PELI2: variants seen among roughly 807,000 people sequenced by gnomAD.
PELI2 encodes the protein pellino E3 ubiquitin protein ligase family member 2, also known as E3 ubiquitin-protein ligase pellino homolog 2.
PELI2 carries 23 observed loss-of-function variants against 42.3 expected under a neutral mutation model. That is an observed-to-expected ratio of 0.54 (90% CI 0.39 to 0.77). The LOEUF (loss-of-function observed/expected upper bound fraction) is 0.77. Ranked by LOEUF, PELI2 falls within the 30% of genes least tolerant of loss-of-function variation. The pLI, the probability that PELI2 is intolerant of heterozygous loss-of-function variation, is 0.00. For synonymous variants in PELI2, 245 were observed against 212.2 expected (o/e 1.15, Z -1.34); for missense variants, 463 against 553.2 (o/e 0.84, Z 1.64).
intron 1 of PELI2, among the ~76,000 whole-genome samples, chr14:56,122,445 C>T (rs946174674): frequency 7.2e-5 from 11 of 152,152 alleles, no homozygotes; most frequent in Admixed American, 5.2e-4. Context: ...ATTCCAGCAG[C>T]GCTGTCAGTT....
intron 2 of PELI2, among the ~76,000 whole-genome samples, chr14:56,201,577 A>G (rs748068813): frequency 3.3e-5 from 5 of 152,206 alleles, no homozygotes; most frequent in Non-Finnish European, 4.4e-5. Flanking sequence ...TTTTCCCTAT[A>G]TATTATGGAT....
At chr14:56,218,274 C>G (rs1162399688) in intron 2 of PELI2, among the ~76,000 whole-genome samples, 1 of 152,192 alleles carries the variant, frequency 6.6e-6, no homozygotes, top group Non-Finnish European at 1.5e-5. Context: ...GCTTTTGCAC[C>G]TAGAGAATTT....
chr14:56,224,338 C>T (rs1887263081), intron 2 of PELI2, among the ~76,000 whole-genome samples: 1 of 152,196 alleles, frequency 6.6e-6, no homozygotes, highest in South Asian at 2.1e-4. Flanking sequence ...TGTCTTGAAT[C>T]TCATATCCCA....
chr14:56,270,558 A>G (rs575437453), intron 2 of PELI2, among the ~76,000 whole-genome samples: 1 of 152,330 alleles, frequency 6.6e-6, no homozygotes, highest in South Asian at 2.1e-4. Flanking sequence ...TCATACCAGG[A>G]TTATCTCTAA....
intron 2 of PELI2, among the ~76,000 whole-genome samples, chr14:56,214,269 G>C (rs776983232): frequency 2.0e-5 from 3 of 152,136 alleles, no homozygotes; most frequent in Middle Eastern, 3.2e-3. Flanking sequence ...AAGGTTGATG[G>C]GGGAGGGGAG....
chr14:56,142,249 T>G (rs1393883102), intron 1 of PELI2, among the ~76,000 whole-genome samples: 1 of 152,218 alleles, frequency 6.6e-6, no homozygotes, highest in East Asian at 1.9e-4. Context: ...TGCCACTTCT[T>G]GAATGCTATT....
At chr14:56,161,957 T>A (rs1022975709) in intron 1 of PELI2, among the ~76,000 whole-genome samples, 1 of 152,184 alleles carries the variant, frequency 6.6e-6, no homozygotes, top group African/African-American at 2.4e-5. Context: ...CTTTCCCATA[T>A]GCAACATTTC....
At position 56,180,231 on chromosome 14, in the gene PELI2, T is replaced by A. The variant is rs184371993; in HGVS notation, c.207+1767T>A. Among the ~76,000 whole-genome samples the A allele has an allele frequency of 7.9e-4, 121 of 152,302 alleles. No homozygotes were observed. In the Middle Eastern group the frequency reaches 0.014, roughly 17 times the overall value. On this transcript the variant is annotated intron_variant, in intron 2 of 5. Coordinates refer to ENST00000267460, the MANE Select transcript of PELI2 (RefSeq NM_021255.3). This position sits in a 1 kb window ranked among gnomAD's most constrained non-coding sequence, Gnocchi z 4.4. ...CTGGGAAAAATATATTCTCAGGGCCTCAGTTTACTCATTAGAAACTGAGTA... is the reference window on the plus strand; with the variant it reads ...CTGGGAAAAATATATTCTCAGGGCCACAGTTTACTCATTAGAAACTGAGTA...
intron 5 of PELI2, among the ~76,000 whole-genome samples, chr14:56,293,581 A>G (rs1292312680): frequency 6.6e-6 from 1 of 152,190 alleles, no homozygotes; most frequent in Non-Finnish European, 1.5e-5. Flanking sequence ...GCTGGTTGTT[A>G]TTACTAAGCA....
intron 2 of PELI2, among the ~76,000 whole-genome samples, chr14:56,225,561 G>T (rs1887318085): frequency 6.6e-6 from 1 of 152,218 alleles, no homozygotes; most frequent in Non-Finnish European, 1.5e-5. Flanking sequence ...CTAGCTGTGG[G>T]GGTGGCAGAG....
chr14:56,243,150 C>T (rs561067711), intron 2 of PELI2, among the ~76,000 whole-genome samples: 1 of 152,006 alleles, frequency 6.6e-6, no homozygotes, highest in Non-Finnish European at 1.5e-5. Context: ...CAGAGAACAA[C>T]AACAGAAAAA....
chr14:56,281,139 A>G (rs1889468786), intron 3 of PELI2, among the ~76,000 whole-genome samples: 2 of 152,142 alleles, frequency 1.3e-5, no homozygotes, highest in South Asian at 2.1e-4. Context: ...CGCTCAGACC[A>G]ATTGACCCAG....
chr14:56,239,287 T>A (rs1385146199), intron 2 of PELI2, among the ~76,000 whole-genome samples: 6 of 152,220 alleles, frequency 3.9e-5, no homozygotes, highest in African/African-American at 1.4e-4. Flanking sequence ...ATGTGTTCAT[T>A]CTTTGGAATT....
intron 1 of PELI2, among the ~76,000 whole-genome samples, chr14:56,137,389 A>G (rs766281710): frequency 4.6e-5 from 7 of 152,160 alleles, no homozygotes; most frequent in Admixed American, 1.3e-4. Context: ...ATGAAACCCT[A>G]TGCTACCTAG....
chr14:56,231,693 G>A (rs1458961002), intron 2 of PELI2, among the ~76,000 whole-genome samples: 3 of 152,068 alleles, frequency 2.0e-5, no homozygotes, highest in African/African-American at 7.2e-5. Flanking sequence ...ATCACAATTA[G>A]AAGAACTAGA....
chr14:56,138,047 C>T (rs17091076), intron 1 of PELI2, among the ~76,000 whole-genome samples: 2,821 of 152,192 alleles, frequency 0.019, 85 homozygotes, highest in African/African-American at 0.064. Flanking sequence ...TTTGTGTGCT[C>T]GATACTCCGC....
chr14:56,230,567 A>T (rs973734713), intron 2 of PELI2, among the ~76,000 whole-genome samples: 1 of 152,220 alleles, frequency 6.6e-6, no homozygotes, highest in Non-Finnish European at 1.5e-5. Flanking sequence ...TTTTGTGACC[A>T]CGAGGCCTGC....
intron 1 of PELI2, among the ~76,000 whole-genome samples, chr14:56,173,627 C>A (rs528199132): frequency 5.3e-5 from 8 of 152,064 alleles, no homozygotes; most frequent in South Asian, 2.1e-4. Flanking sequence ...GGCCCTGCTG[C>A]CCCTGAAGGC....
intron 2 of PELI2, among the ~76,000 whole-genome samples, chr14:56,188,891 G>A (rs547305835): frequency 1.3e-5 from 2 of 152,260 alleles, no homozygotes; most frequent in Non-Finnish European, 2.9e-5. Flanking sequence ...TGGTCGCAGT[G>A]GCTCATGTCT....
Sources: gnomAD v4.1 joint callset for allele counts (sites outside exome capture counted in the v4.1 genomes callset) on GRCh38, gnomAD v4.1.1 for gene constraint, Gnocchi (gnomAD v3.1) non-coding constraint, MANE v1.5 for transcripts, NCBI Gene and HGNC (gene_info 2026-07-23, HGNC 2026-07-21) for gene names.